PPP1R12B: variants seen among roughly 807,000 people sequenced by gnomAD.
PPP1R12B encodes myosin phosphatase target subunit 2.
Under a neutral mutation model 126.1 loss-of-function variants are expected in PPP1R12B, and 76 were observed. The ratio of observed to expected loss-of-function variants is 0.60; its 90% CI spans 0.50 to 0.73. The LOEUF is 0.73. PPP1R12B is among the 30% of genes least tolerant of loss of function. The pLI, the probability that PPP1R12B is intolerant of heterozygous loss-of-function variation, is 0.00. For missense variants in PPP1R12B, 1,052 were observed against 1,205.1 expected, an observed-to-expected ratio of 0.87 and a Z score of 1.88; for synonymous variants, 356 against 434.7, an observed-to-expected ratio of 0.82 and a Z score of 2.25.
At position 202,564,561 on chromosome 1, in the gene PPP1R12B, A is replaced by T. The variant is rs1366426956; in HGVS notation, c.2757+14A>T. 6.3e-7 allele frequency: 1 copy of T among 1,581,210 alleles called. No individual in the cohort carries two copies. Among genetic ancestry groups the T allele is most frequent in the Non-Finnish European group, 8.7e-7 (1 of 1,153,952 alleles). On this transcript the variant is annotated intron_variant, in intron 21 of 23. Coordinates refer to ENST00000608999, the MANE Select transcript of PPP1R12B (RefSeq NM_002481.4). ...AAGGTGGCCCAGGTAAGACGGAAGA[A>T]GAAGAAAAAAGATGAGAACCAAGGG...
At chr1:202,464,605 C>G (rs570109111) in intron 13 of PPP1R12B, among the ~76,000 whole-genome samples, 3 of 152,240 alleles carry the variant, frequency 2.0e-5, no homozygotes, top group East Asian at 1.9e-4. Flanking sequence ...AGAGAGGATA[C>G]CTAGTTTACT....
At chr1:202,564,624 G>A (rs548095573) in intron 21 of PPP1R12B, 77 bp downstream of exon 21, 23 of 1,190,828 alleles carry the variant, frequency 1.9e-5, no homozygotes, top group Non-Finnish European at 2.8e-5. Context: ...GGATCTAAGG[G>A]ACAGGAAGTA....
chr1:202,364,395 A>G (rs1658759036), intron 1 of PPP1R12B, among the ~76,000 whole-genome samples: 1 of 151,990 alleles, frequency 6.6e-6, no homozygotes, highest in African/African-American at 2.4e-5. Context: ...TTGGTTTTAC[A>G]TTTGACTTAT....
intron 10 of PPP1R12B, chr1:202,438,388 C>T (rs977370785): frequency 1.0e-5 from 7 of 670,792 alleles, no homozygotes; most frequent in African/African-American, 9.2e-5. Flanking sequence ...TCCCGTCCCC[C>T]CAGCGGCATG....
intron 13 of PPP1R12B, chr1:202,472,022 G>T: frequency 1.3e-6 from 2 of 1,594,562 alleles, no homozygotes; most frequent in Non-Finnish European, 1.7e-6. Context: ...TCACATCCAT[G>T]AAGTAGGAAT....
rs895993643 is a variant in PPP1R12B at position 202,582,667 on chromosome 1, C to T, written c.*2107C>T. On this transcript the variant is annotated 3_prime_UTR_variant, in exon 24 of 24. Transcript: ENST00000608999. ...TCAGGAGGCCGAGGTGGACAGATCA[C>T]GAGGTCAGGAGTTCGAGACCATCCT... is the stretch of plus-strand genomic sequence containing the variant. 1.3e-5 allele frequency: 2 copies of T among 152,548 alleles called. No individual in the cohort carries two copies. Among genetic ancestry groups the T allele is most frequent in the African/African-American group, 4.8e-5 (2 of 41,416 alleles). The allele number at this position is 152,548 out of a possible 1,614,324, so 9.4% of individuals were successfully genotyped here.
chr1:202,524,516 C>G (rs1243043722), intron 18 of PPP1R12B, among the ~76,000 whole-genome samples: 1 of 152,022 alleles, frequency 6.6e-6, no homozygotes, highest in Non-Finnish European at 1.5e-5. Flanking sequence ...TTCCTTACCC[C>G]CCTCTCACGC....
chr1:202,521,793 A>T (rs563782143), intron 18 of PPP1R12B, among the ~76,000 whole-genome samples: 1 of 152,342 alleles, frequency 6.6e-6, no homozygotes, highest in Admixed American at 6.5e-5. Flanking sequence ...TGGCAATAAT[A>T]ATAACAATAA....
intron 1 of PPP1R12B, among the ~76,000 whole-genome samples, chr1:202,398,241 C>T (rs981442820): frequency 3.3e-5 from 5 of 152,188 alleles, no homozygotes; most frequent in African/African-American, 1.2e-4. Context: ...TGCATACACA[C>T]ATTAGAAACA....
intron 23 of PPP1R12B, among the ~76,000 whole-genome samples, chr1:202,572,071 A>G (rs1366263877): frequency 1.3e-5 from 2 of 152,242 alleles, no homozygotes; most frequent in Admixed American, 6.5e-5. Flanking sequence ...AAAAGAGTCT[A>G]AGAAAATACT....
At chr1:202,496,844 C>T in intron 18 of PPP1R12B, 22 bp downstream of exon 18, 1 of 1,602,470 alleles carries the variant, frequency 6.2e-7, no homozygotes, top group Non-Finnish European at 8.5e-7. Flanking sequence ...GCCAGTGAAG[C>T]ATGTCTCTTG....
chr1:202,390,319 C>G (rs542648726), intron 1 of PPP1R12B, among the ~76,000 whole-genome samples: 2 of 152,240 alleles, frequency 1.3e-5, no homozygotes, highest in South Asian at 4.1e-4. Context: ...CTATAAATCT[C>G]TTAGATGAAA....
intron 17 of PPP1R12B, among the ~76,000 whole-genome samples, chr1:202,496,528 C>T (rs1257903875): frequency 6.6e-6 from 1 of 152,154 alleles, no homozygotes; most frequent in Admixed American, 6.5e-5. Flanking sequence ...GTCTGTCTGT[C>T]TTGTCTGTCT....
intron 3 of PPP1R12B, among the ~76,000 whole-genome samples, chr1:202,425,146 A>G (rs993276859): frequency 6.6e-6 from 1 of 152,142 alleles, no homozygotes; most frequent in Non-Finnish European, 1.5e-5. Context: ...TAACCTTTCT[A>G]TTTTTATTTC....
At chr1:202,492,434 C>T (rs1678998025) in intron 14 of PPP1R12B, among the ~76,000 whole-genome samples, 1 of 152,192 alleles carries the variant, frequency 6.6e-6, no homozygotes, top group Admixed American at 6.5e-5. Context: ...AGGACTCATG[C>T]ACATAACTAC....
chr1:202,351,726 A>G (rs1214287193), intron 1 of PPP1R12B, among the ~76,000 whole-genome samples: 2 of 152,334 alleles, frequency 1.3e-5, no homozygotes, highest in South Asian at 2.1e-4. Flanking sequence ...TTATCTGGAT[A>G]ATTGCTTCTT....
intron 1 of PPP1R12B, among the ~76,000 whole-genome samples, chr1:202,407,414 A>C (rs1666775683): frequency 6.6e-6 from 1 of 152,150 alleles, no homozygotes; most frequent in African/African-American, 2.4e-5. Context: ...AATCAGTATG[A>C]CACTTCATGG....
chr1:202,570,977 G>C lies in PPP1R12B; in HGVS notation c.2862+1780G>C, dbSNP rs566147925. 5.9e-5 allele frequency among the ~76,000 whole-genome samples: 9 copies of C among 152,300 alleles called. 1 individual carries two copies. In the South Asian group the frequency reaches 1.2e-3, roughly 21 times the overall value. ...GAAATGTCCTAAATGCTGATCTAGA[G>C]CATGTAATTGAGGCAAAAGCTAGAA... is the stretch of plus-strand genomic sequence containing the variant. On this transcript the variant is annotated intron_variant, in intron 23 of 23. Coordinates refer to ENST00000608999, the MANE Select transcript of PPP1R12B (RefSeq NM_002481.4).
intron 1 of PPP1R12B, among the ~76,000 whole-genome samples, chr1:202,365,611 T>C (rs1041114142): frequency 2.0e-5 from 3 of 152,176 alleles, no homozygotes; most frequent in Non-Finnish European, 4.4e-5. Context: ...GGATCACACG[T>C]CATGCTGGTA....
Sources: allele counts gnomAD v4.1 joint callset (sites outside exome capture counted in the v4.1 genomes callset), GRCh38; gene constraint gnomAD v4.1.1; transcripts MANE v1.5; gene names NCBI Gene and HGNC (gene_info 2026-07-23, HGNC 2026-07-21).